The following RYR3 variants were observed in gnomAD, a reference collection of about 807,000 sequenced individuals.
RYR3 encodes the protein ryanodine receptor 3, also known as brain ryanodine receptor-calcium release channel.
In RYR3, 207 loss-of-function variants were observed where a neutral mutation model predicts 584.3. The ratio of observed to expected loss-of-function variants is 0.35; its 90% CI spans 0.32 to 0.40. The LOEUF is 0.40. RYR3 is among the 10% of genes least tolerant of loss of function. RYR3 has a pLI of 1.00. For synonymous variants in RYR3, 2,416 were observed against 2,248.5 expected (o/e 1.07, Z -2.11); for missense variants, 5,616 against 6,089.2 (o/e 0.92, Z 2.59).
In RYR3 at chr15:33,837,815, G is replaced by A; in HGVS notation, c.11835G>A (p.Gln3945=). The stretch of plus-strand genomic sequence containing the variant: ...GAATTATCTCCAAAAAAGAATTCCA[G>A]AAGGCCATGGAAGGGCAAAAACAGT... The part of the protein sequence containing the change: ...GKGIISKKEF[Q]KAMEGQKQYT... Residue 3945 remains glutamine, a synonymous_variant, in exon 89 of 104, where the codon CAG becomes CAA. Transcript: ENST00000634891. 6.2e-7 allele frequency: 1 copy of A among 1,613,976 alleles called. No individual in the cohort carries two copies.
intron 63 of RYR3, 52 bp downstream of exon 63, chr15:33,772,210 G>A: frequency 8.7e-7 from 1 of 1,149,856 alleles, no homozygotes; most frequent in Non-Finnish European, 1.3e-6. Flanking sequence ...GCCCCAGATA[G>A]GAGGTGCAGG....
intron 1 of RYR3, among the ~76,000 whole-genome samples, chr15:33,326,535 GAA>G (rs1268465484): frequency 6.6e-6 from 1 of 152,198 alleles, no homozygotes; most frequent in Non-Finnish European, 1.5e-5. Flanking sequence ...GGGAAGATTT[GAA>G]AAGAGAGGGA....
chr15:33,827,704 G>A (rs575083517), intron 85 of RYR3, among the ~76,000 whole-genome samples: 8 of 151,520 alleles, frequency 5.3e-5, no homozygotes, highest in Admixed American at 4.6e-4. Flanking sequence ...TTGTTTCAAG[G>A]AAGCCCAAAT....
At chr15:33,525,629 T>G (rs1270123433) in intron 3 of RYR3, among the ~76,000 whole-genome samples, 3 of 152,232 alleles carry the variant, frequency 2.0e-5, no homozygotes, top group Non-Finnish European at 4.4e-5. Flanking sequence ...CTAAGCAGAT[T>G]TCTAAAAATT....
intron 1 of RYR3, among the ~76,000 whole-genome samples, chr15:33,354,745 A>G (rs1408247412): frequency 6.6e-6 from 1 of 152,174 alleles, no homozygotes; most frequent in Non-Finnish European, 1.5e-5. Context: ...GTTGATCTGG[A>G]AGCTTACTAT....
intron 82 of RYR3, chr15:33,825,968 A>C (rs926653664): frequency 2.5e-5 from 13 of 515,462 alleles, no homozygotes; most frequent in Non-Finnish European, 3.8e-5. Flanking sequence ...TCCTGACCTC[A>C]GGTGATCCAC....
chr15:33,730,726 A>G (rs1159876656), intron 47 of RYR3, among the ~76,000 whole-genome samples: 4 of 152,238 alleles, frequency 2.6e-5, no homozygotes, highest in African/African-American at 7.2e-5. Flanking sequence ...CTTTGGCTAT[A>G]CTTAGTGTCA....
At chr15:33,800,941 G>T (rs2075886208) in intron 68 of RYR3, 84 bp downstream of exon 68, 1 of 998,416 alleles carries the variant, frequency 1.0e-6, no homozygotes, top group Admixed American at 1.8e-5. Context: ...AAAGCCAACA[G>T]TAAAATATTC....
chr15:33,367,855 A>G (rs1461851690), intron 1 of RYR3, among the ~76,000 whole-genome samples: 3 of 152,210 alleles, frequency 2.0e-5, no homozygotes, highest in Non-Finnish European at 2.9e-5. Flanking sequence ...GTCCAGCCTT[A>G]CTATTTTGCA....
At chr15:33,813,660 C>T in intron 74 of RYR3, 81 bp downstream of exon 74, 2 of 1,139,646 alleles carry the variant, frequency 1.8e-6, no homozygotes, top group Non-Finnish European at 2.6e-6. Context: ...CTCTCTCACT[C>T]TTAATCCAAG....
At chr15:33,786,643 G>A (rs185078406) in intron 66 of RYR3, among the ~76,000 whole-genome samples, 22 of 152,218 alleles carry the variant, frequency 1.4e-4, no homozygotes, top group African/African-American at 5.1e-4. Context: ...CAAATATTTT[G>A]TGTCCTCTGT....
intron 43 of RYR3, among the ~76,000 whole-genome samples, chr15:33,716,142 T>G (rs1415777522): frequency 2.0e-5 from 3 of 152,244 alleles, no homozygotes; most frequent in East Asian, 3.9e-4. Context: ...GAGTAAAAGT[T>G]TCCCAAGGCC....
chr15:33,764,596 G>A (rs1029808004), intron 60 of RYR3, among the ~76,000 whole-genome samples: 2 of 151,052 alleles, frequency 1.3e-5, no homozygotes, highest in African/African-American at 2.4e-5. Context: ...AAAAAAATGA[G>A]CATCTGTCCT....
chr15:33,853,212 TA>T lies in RYR3; in HGVS notation c.13671+127del, dbSNP rs1008566002. On this transcript the variant is annotated intron_variant, in intron 95 of 103. Transcript: ENST00000634891. The stretch of plus-strand genomic sequence containing the variant: ...TTTTATGATAATATCTCAAGAAGAG[TA>T]AGTCACAGAAGGGGTTGGATATGAA... 4 of 973,750 alleles carry T rather than the reference TA, an allele frequency of 4.1e-6. No homozygotes were observed. The Admixed American group carries it at 1.2e-4, about 30-fold the overall frequency. The allele number at this position is 973,750 out of a possible 1,614,324, so 60.3% of individuals were successfully genotyped here.
Position 33,864,122 on chromosome 15 carries a change from CTT to C in RYR3, c.14466-13_14466-12del, listed in dbSNP as rs768272154. 32 of 1,598,938 alleles carry C rather than the reference CTT, an allele frequency of 2.0e-5. No homozygotes were observed. In the Middle Eastern group the frequency reaches 5.0e-4, roughly 25 times the overall value. On this transcript the variant is annotated splice_polypyrimidine_tract_variant and intron_variant, in intron 102 of 103. Coordinates refer to ENST00000634891, the MANE Select transcript of RYR3 (RefSeq NM_001036.6). ...TCTTGACCAGAGTATCTAATACTAT[CTT>C]TTCCTCGTTCCAGGTTCTTTCTGAT...
At chr15:33,568,666 A>G (rs1042531002) in intron 12 of RYR3, among the ~76,000 whole-genome samples, 2 of 152,138 alleles carry the variant, frequency 1.3e-5, no homozygotes, top group Admixed American at 1.3e-4. Context: ...GCTGGGCACA[A>G]GTGATCCTCT....
intron 5 of RYR3, among the ~76,000 whole-genome samples, chr15:33,535,054 C>A (rs894125306): frequency 6.6e-6 from 1 of 152,118 alleles, no homozygotes; most frequent in Non-Finnish European, 1.5e-5. Flanking sequence ...GAACAGAGAC[C>A]AAGGAAGAGA....
At chr15:33,383,941 C>T (rs1267713482) in intron 1 of RYR3, among the ~76,000 whole-genome samples, 3 of 152,142 alleles carry the variant, frequency 2.0e-5, no homozygotes, top group South Asian at 2.1e-4. Context: ...TAAAAAAGCA[C>T]GAAATTATGT....
intron 1 of RYR3, among the ~76,000 whole-genome samples, chr15:33,434,708 T>C (rs2045504228): frequency 6.6e-6 from 1 of 152,190 alleles, no homozygotes; most frequent in Admixed American, 6.5e-5. Context: ...TGTATTTCTC[T>C]CTCCTCTTCA....
Sources: allele counts gnomAD v4.1 joint callset (sites outside exome capture counted in the v4.1 genomes callset), GRCh38; gene constraint gnomAD v4.1.1; transcripts MANE v1.5; gene names NCBI Gene and HGNC (gene_info 2026-07-23, HGNC 2026-07-21).